The following NFIB variants were observed in gnomAD, a reference collection of about 807,000 sequenced individuals.
The protein encoded by NFIB is nuclear factor 1 B-type.
NFIB carries 11 observed loss-of-function variants against 61.5 expected under a neutral mutation model. That is an observed-to-expected ratio of 0.18 (90% CI 0.11 to 0.30). NFIB has a LOEUF of 0.30. Ranked by LOEUF, NFIB falls within the 10% of genes least tolerant of loss-of-function variation. The pLI is 1.00. For synonymous variants in NFIB, 260 were observed against 216.5 expected (o/e 1.20, Z -1.76); for missense variants, 471 against 608.9 (o/e 0.77, Z 2.38).
intron 3 of NFIB, among the ~76,000 whole-genome samples, chr9:14,170,054 T>C (rs1285673144): frequency 1.3e-5 from 2 of 152,164 alleles, no homozygotes; most frequent in Non-Finnish European, 2.9e-5. Flanking sequence ...TATATTACTA[T>C]AGAATTGTAC....
At chr9:14,473,216 G>C in the NFIB span, among the ~76,000 whole-genome samples, 1 of 152,306 alleles carries the variant, frequency 6.6e-6, no homozygotes, top group Admixed American at 6.5e-5. Flanking sequence ...TTCAGGAGGA[G>C]ACCCTGGGAT....
chr9:14,167,084 G>GTGTC (rs1563855843), intron 3 of NFIB, among the ~76,000 whole-genome samples: 2 of 37,614 alleles, frequency 5.3e-5, no homozygotes, highest in Non-Finnish European at 1.0e-4. Context: ...TGTGTGTGTC[G>GTGTC]GGGGGGGGGG....
At chr9:14,470,420 A>G in the NFIB span, among the ~76,000 whole-genome samples, 282 of 152,278 alleles carry the variant, frequency 1.9e-3, 1 homozygote, top group African/African-American at 6.4e-3. Flanking sequence ...TCACTTCCAA[A>G]TAGCAAATTC....
At chr9:14,517,970 C>A in the NFIB span, among the ~76,000 whole-genome samples, 2 of 152,174 alleles carry the variant, frequency 1.3e-5, no homozygotes, top group Non-Finnish European at 2.9e-5. Context: ...ACTGCAGCAA[C>A]AAAAGACTTA....
At chr9:14,345,481 A>T (rs1196563913) in intron 1 of NFIB, among the ~76,000 whole-genome samples, 1 of 152,134 alleles carries the variant, frequency 6.6e-6, no homozygotes, top group African/African-American at 2.4e-5. Context: ...AAATAAATGC[A>T]ATCAAAGGGT....
the NFIB span, among the ~76,000 whole-genome samples, chr9:14,458,794 G>C: frequency 6.6e-6 from 1 of 151,866 alleles, no homozygotes; most frequent in Non-Finnish European, 1.5e-5. Flanking sequence ...AAAATACCTA[G>C]GAATCCAACT....
At chr9:14,317,785 T>A (rs1378976779), upstream of NFIB, among the ~76,000 whole-genome samples, 2 of 152,224 alleles carry the variant, frequency 1.3e-5, no homozygotes, top group African/African-American at 4.8e-5. Flanking sequence ...GTGCATGGGA[T>A]GCCTGGCTTC....
intron 2 of NFIB, among the ~76,000 whole-genome samples, chr9:14,266,652 C>G (rs2057227943): frequency 6.6e-6 from 1 of 151,314 alleles, no homozygotes. Flanking sequence ...CTCGGATCTC[C>G]TCTTCCTCTT....
the NFIB span, among the ~76,000 whole-genome samples, chr9:14,431,720 C>G: frequency 6.6e-6 from 1 of 150,640 alleles, no homozygotes; most frequent in East Asian, 2.0e-4. Flanking sequence ...GTTTTGTGCT[C>G]TTTCCTAGCT....
At chr9:14,161,932 T>C (rs2044248648) in intron 3 of NFIB, among the ~76,000 whole-genome samples, 1 of 152,194 alleles carries the variant, frequency 6.6e-6, no homozygotes, top group African/African-American at 2.4e-5. Flanking sequence ...CTCACAATCC[T>C]GCTGCCAGAC....
chr9:14,232,828 G>A (rs1338130443), intron 2 of NFIB, among the ~76,000 whole-genome samples: 1 of 152,126 alleles, frequency 6.6e-6, no homozygotes, highest in Non-Finnish European at 1.5e-5. Flanking sequence ...TATTTCAATT[G>A]TTTTGCCTAT....
chr9:14,450,478 CCTTT>C, the NFIB span, among the ~76,000 whole-genome samples: 4 of 152,124 alleles, frequency 2.6e-5, no homozygotes, highest in African/African-American at 9.7e-5. Context: ...CATTTATCAC[CCTTT>C]CTTAGAATAA....
At chr9:14,220,383 T>A (rs1353678783) in intron 2 of NFIB, among the ~76,000 whole-genome samples, 1 of 152,202 alleles carries the variant, frequency 6.6e-6, no homozygotes, top group East Asian at 1.9e-4. Flanking sequence ...TAGAGAGAGA[T>A]GCTTTGAATT....
chr9:14,259,591 C>A (rs770952229), intron 2 of NFIB, among the ~76,000 whole-genome samples: 40 of 152,228 alleles, frequency 2.6e-4, no homozygotes, highest in Middle Eastern at 3.4e-3. Context: ...TTGATGTTGG[C>A]AGGATCTTCT....
the NFIB span, among the ~76,000 whole-genome samples, chr9:14,508,731 C>A: frequency 6.6e-6 from 1 of 152,218 alleles, no homozygotes; most frequent in African/African-American, 2.4e-5. Flanking sequence ...GTTGGTTTTA[C>A]ACATTTCCTT....
intron 10 of NFIB, among the ~76,000 whole-genome samples, chr9:14,092,670 G>GA (rs1391147197): frequency 1.3e-5 from 2 of 151,940 alleles, no homozygotes; most frequent in Non-Finnish European, 2.9e-5. Context: ...CTAATGTTGC[G>GA]AAAGAGACTA....
Position 14,138,967 on chromosome 9 carries a change from C to A in NFIB, c.925+7722G>T, listed in dbSNP as rs553320220. On this transcript the variant is annotated intron_variant, in intron 6 of 10. Transcript: ENST00000380953. ...TTTTGTTTTGAGAATTCTTTCAGAA[C>A]CCTGAAAACTCACAAATACACCTCT... Among the ~76,000 whole-genome samples, 39 of 152,082 alleles carry A rather than the reference C, an allele frequency of 2.6e-4. 1 individual carries two copies. In the South Asian group the frequency reaches 6.8e-3, roughly 27 times the overall value.
the NFIB span, among the ~76,000 whole-genome samples, chr9:14,480,021 CAGAA>C: frequency 1.3e-5 from 2 of 150,238 alleles, no homozygotes; most frequent in African/African-American, 2.4e-5. Flanking sequence ...GGGAAAGAGA[CAGAA>C]AGGTTTTTTT....
intron 4 of NFIB, among the ~76,000 whole-genome samples, chr9:14,150,805 A>T (rs1258985222): frequency 6.6e-6 from 1 of 152,144 alleles, no homozygotes; most frequent in East Asian, 1.9e-4. Flanking sequence ...GTTGATATTA[A>T]TGTTGATAAT....
Sources: gnomAD v4.1 joint callset for allele counts (sites outside exome capture counted in the v4.1 genomes callset) on GRCh38, gnomAD v4.1.1 for gene constraint, MANE v1.5 for transcripts, NCBI Gene and HGNC (gene_info 2026-07-23, HGNC 2026-07-21) for gene names.